The following TIAM2 variants were observed in gnomAD, a reference collection of about 807,000 sequenced individuals.
TIAM2 encodes the protein TIAM Rac1 associated GEF 2.
In TIAM2, 80 loss-of-function variants were observed where a neutral mutation model predicts 152.9. The observed-to-expected ratio is 0.52, with a 90% CI of 0.44 to 0.63. The LOEUF (loss-of-function observed/expected upper bound fraction) is 0.63, where lower values mean the gene tolerates loss of function less well. Ranked by LOEUF, TIAM2 falls within the 30% of genes least tolerant of loss-of-function variation. The pLI is 0.00. For synonymous variants in TIAM2, 804 were observed against 838.0 expected (o/e 0.96, Z 0.70); for missense variants, 1,965 against 2,120.1 (o/e 0.93, Z 1.44).
intron 1 of TIAM2, among the ~76,000 whole-genome samples, chr6:155,000,316 T>G (rs1233826888): frequency 6.6e-6 from 1 of 151,970 alleles, no homozygotes; most frequent in African/African-American, 2.4e-5. Flanking sequence ...GCGGATCACC[T>G]GAGGTCGGGA....
At chr6:155,029,689 A>G (rs1776783572) in intron 1 of TIAM2, among the ~76,000 whole-genome samples, 1 of 138,550 alleles carries the variant, frequency 7.2e-6, no homozygotes, top group Non-Finnish European at 1.5e-5. Context: ...TTATATAACT[A>G]TATATAGAGA....
At chr6:155,256,432 C>A (rs772566728) in intron 26 of TIAM2, 52 bp from the exon 27 acceptor site, 1 of 1,611,004 alleles carries the variant, frequency 6.2e-7, no homozygotes, top group Non-Finnish European at 8.5e-7. Context: ...AAACATTACA[C>A]ATTGTGTAAC....
At chr6:155,210,537 A>G (rs1261717516) in intron 14 of TIAM2, among the ~76,000 whole-genome samples, 3 of 151,206 alleles carry the variant, frequency 2.0e-5, no homozygotes, top group East Asian at 1.9e-4. Context: ...TAGTCTCACT[A>G]TGTTGCCCAG....
chr6:155,231,171 T>C (rs560572222), intron 15 of TIAM2, among the ~76,000 whole-genome samples: 91 of 152,250 alleles, frequency 6.0e-4, no homozygotes, highest in Non-Finnish European at 9.7e-4. Flanking sequence ...GTAAATCACG[T>C]CCTTCTCTTC....
intron 1 of TIAM2, among the ~76,000 whole-genome samples, chr6:155,017,636 T>A (rs1431633912): frequency 1.3e-5 from 2 of 151,786 alleles, no homozygotes; most frequent in African/African-American, 4.8e-5. Flanking sequence ...CCCGAGTAGC[T>A]GGGACTACAG....
intron 1 of TIAM2, among the ~76,000 whole-genome samples, chr6:155,032,328 C>T (rs572396641): frequency 2.6e-5 from 4 of 152,286 alleles, no homozygotes; most frequent in African/African-American, 4.8e-5. Context: ...TGGAACGCAA[C>T]GCTCGGTGGA....
intron 14 of TIAM2, among the ~76,000 whole-genome samples, chr6:155,203,833 A>G (rs1781537309): frequency 6.6e-6 from 1 of 152,178 alleles, no homozygotes; most frequent in Non-Finnish European, 1.5e-5. Context: ...AGGGAAACTA[A>G]TACTCAGAGG....
intron 1 of TIAM2, among the ~76,000 whole-genome samples, chr6:155,028,632 CTG>C (rs199986133): frequency 0.33 from 21,999 of 67,022 alleles, 2,285 homozygotes; most frequent in East Asian, 0.59. Flanking sequence ...AATATATATA[CTG>C]TGTTATATAT....
At chr6:155,037,428 A>G (rs1264568545) in intron 1 of TIAM2, among the ~76,000 whole-genome samples, 1 of 152,118 alleles carries the variant, frequency 6.6e-6, no homozygotes, top group East Asian at 1.9e-4. Context: ...TGAAAAAAAA[A>G]TCCCCACTTC....
At chr6:155,060,615 G>A (rs767323379) in intron 1 of TIAM2, among the ~76,000 whole-genome samples, 3 of 152,042 alleles carry the variant, frequency 2.0e-5, no homozygotes, top group Non-Finnish European at 4.4e-5. Flanking sequence ...CTTTTGGGGA[G>A]CTAGGTGCAG....
rs570681581 is a variant in TIAM2, at chr6:155,129,733, T to C, written c.510T>C (p.Asp170=). The change falls in exon 4 of 27, where the codon GAT becomes GAC. Residue 170 remains aspartate, a synonymous_variant. Transcript: ENST00000682666. The surrounding 1 kb of genome is among the most constrained non-coding windows in gnomAD (Gnocchi z 4.8). ...RVLIKTLGKL[D]GCLRVEFHNG... ...TCATCAAAACGCTGGGGAAGCTGGA[T>C]GGGTGTTTAAGGGTCGAGTTCCACA... 6.2e-7 allele frequency: 1 copy of C among 1,613,918 alleles called. No individual in the cohort carries two copies. The highest frequency in any genetic ancestry group is 2.2e-5 in the East Asian group (1 of 44,858).
At chr6:155,152,305 A>T (rs1779990947) in intron 7 of TIAM2, among the ~76,000 whole-genome samples, 1 of 152,228 alleles carries the variant, frequency 6.6e-6, no homozygotes, top group Non-Finnish European at 1.5e-5. Flanking sequence ...ATCCAACAAG[A>T]ACACAGCTGC....
At chr6:155,165,217 C>T (rs764483965) in intron 8 of TIAM2, 46 bp from the exon 9 acceptor site, 14 of 1,557,804 alleles carry the variant, frequency 9.0e-6, no homozygotes, top group Non-Finnish European at 1.2e-5. Flanking sequence ...TTCTGCCACT[C>T]AAATACTAAG....
chr6:155,223,761 T>C (rs2115248344), intron 15 of TIAM2, among the ~76,000 whole-genome samples: 2 of 152,142 alleles, frequency 1.3e-5, no homozygotes, highest in South Asian at 4.1e-4. Context: ...AGGAGGGGTG[T>C]TTTTTATGCT....
chr6:155,059,677 A>G (rs1777534006), intron 1 of TIAM2, among the ~76,000 whole-genome samples: 1 of 152,184 alleles, frequency 6.6e-6, no homozygotes, highest in South Asian at 2.1e-4. Flanking sequence ...ACAGAATATC[A>G]TAAAGGTGAT....
At chr6:155,096,648 C>A (rs1277242524) in intron 2 of TIAM2, among the ~76,000 whole-genome samples, 1 of 152,120 alleles carries the variant, frequency 6.6e-6, no homozygotes, top group East Asian at 1.9e-4. Context: ...ACTTGATGAC[C>A]TCCAGTTTCA....
chr6:155,151,564 G>A (rs1779970483), intron 7 of TIAM2, among the ~76,000 whole-genome samples: 3 of 152,216 alleles, frequency 2.0e-5, no homozygotes, highest in Admixed American at 6.5e-5. Flanking sequence ...GCAAGGCTCA[G>A]ATGGTAAGGT....
intron 14 of TIAM2, among the ~76,000 whole-genome samples, chr6:155,198,570 G>A (rs1232407345): frequency 6.8e-6 from 1 of 146,102 alleles, no homozygotes. Flanking sequence ...GCTGAGGCAG[G>A]GGAATCACTT....
intron 2 of TIAM2, among the ~76,000 whole-genome samples, chr6:155,099,174 C>T (rs2114990348): frequency 6.6e-6 from 1 of 150,868 alleles, no homozygotes; most frequent in South Asian, 2.1e-4. Context: ...GCAACAAGAG[C>T]AAAACTCCAT....
Sources: gnomAD v4.1 joint callset for allele counts (sites outside exome capture counted in the v4.1 genomes callset) on GRCh38, gnomAD v4.1.1 for gene constraint, Gnocchi (gnomAD v3.1) non-coding constraint, MANE v1.5 for transcripts, NCBI Gene and HGNC (gene_info 2026-07-23, HGNC 2026-07-21) for gene names.